GPM6A: variants seen among roughly 807,000 people sequenced by gnomAD.
GPM6A encodes glycoprotein M6A.
Under a neutral mutation model 32.1 loss-of-function variants are expected in GPM6A, and 7 were observed. That is an observed-to-expected ratio of 0.22 (90% confidence interval 0.12 to 0.41). The LOEUF is 0.41. GPM6A is among the 10% of genes least tolerant of loss of function. The probability of loss-of-function intolerance (pLI) is 1.00; values close to 1 mark genes in which losing one functional copy is unlikely to be tolerated. For synonymous variants in GPM6A, 130 were observed against 123.4 expected, an observed-to-expected ratio of 1.05 and a Z score of -0.35; for missense variants, 235 against 347.2, an observed-to-expected ratio of 0.68 and a Z score of 2.57.
At chr4:175,974,483 G>A (rs1161303491) in intron 1 of GPM6A, among the ~76,000 whole-genome samples, 5 of 151,990 alleles carry the variant, frequency 3.3e-5, no homozygotes, top group African/African-American at 9.7e-5. Flanking sequence ...AGCCTCCTGA[G>A]TAGCTGGGAT....
intron 1 of GPM6A, among the ~76,000 whole-genome samples, chr4:175,742,679 A>G (rs1731935744): frequency 6.6e-6 from 1 of 152,196 alleles, no homozygotes; most frequent in South Asian, 2.1e-4. Flanking sequence ...AAACTATTTC[A>G]GGAATTTCAA....
chr4:175,866,988 C>T (rs1012816457), intron 1 of GPM6A, among the ~76,000 whole-genome samples: 6 of 152,194 alleles, frequency 3.9e-5, no homozygotes, highest in African/African-American at 1.4e-4. Context: ...TTTTAATACT[C>T]ATTTCCCTGA....
chr4:175,648,150 T>C (rs1236934704), intron 4 of GPM6A, among the ~76,000 whole-genome samples: 1 of 152,060 alleles, frequency 6.6e-6, no homozygotes, highest in Non-Finnish European at 1.5e-5. Flanking sequence ...AGGTATGAAC[T>C]AATGAGATTG....
intron 4 of GPM6A, among the ~76,000 whole-genome samples, chr4:175,644,447 C>T (rs1387841073): frequency 6.6e-6 from 1 of 151,514 alleles, no homozygotes; most frequent in Admixed American, 6.6e-5. Context: ...TGTATATATA[C>T]ACACACACGC....
At chr4:175,874,062 C>T (rs534036848) in intron 1 of GPM6A, among the ~76,000 whole-genome samples, 25 of 152,092 alleles carry the variant, frequency 1.6e-4, no homozygotes, top group African/African-American at 5.5e-4. Flanking sequence ...ACATGACTAG[C>T]TAGTGTAAAA....
At chr4:175,867,378 T>C (rs941097296) in intron 1 of GPM6A, among the ~76,000 whole-genome samples, 6 of 152,200 alleles carry the variant, frequency 3.9e-5, no homozygotes, top group African/African-American at 9.7e-5. Context: ...AGGATTATTA[T>C]AGCTTTGCAC....
chr4:175,889,947 A>G (rs566267025), intron 1 of GPM6A, among the ~76,000 whole-genome samples: 1 of 152,350 alleles, frequency 6.6e-6, no homozygotes, highest in South Asian at 2.1e-4. Flanking sequence ...ATGTGAAAAC[A>G]CACTACAAAT....
chr4:175,861,492 T>C (rs148991234), intron 1 of GPM6A, among the ~76,000 whole-genome samples: 4 of 150,426 alleles, frequency 2.7e-5, no homozygotes, highest in East Asian at 1.9e-4. Context: ...TGGTTCATGC[T>C]TGTAATCCAA....
At chr4:175,643,154 A>G (rs1741251860) in intron 4 of GPM6A, among the ~76,000 whole-genome samples, 1 of 152,020 alleles carries the variant, frequency 6.6e-6, no homozygotes, top group African/African-American at 2.4e-5. Context: ...AAAATCTCCC[A>G]CTTGGATTAA....
At chr4:175,965,614 C>CTT (rs59648310) in intron 1 of GPM6A, among the ~76,000 whole-genome samples, 33 of 141,186 alleles carry the variant, frequency 2.3e-4, no homozygotes, top group African/African-American at 7.1e-4. Flanking sequence ...CTATTTCTCT[C>CTT]TTTTTTTTTT....
chr4:175,926,868 G>A (rs2111536105), intron 1 of GPM6A, among the ~76,000 whole-genome samples: 1 of 152,188 alleles, frequency 6.6e-6, no homozygotes, highest in East Asian at 1.9e-4. Flanking sequence ...GAGTCAGATC[G>A]TCAAATCAGT....
chr4:175,953,967 GT>G (rs201836620), intron 1 of GPM6A, among the ~76,000 whole-genome samples: 1,953 of 152,308 alleles, frequency 0.013, 40 homozygotes, highest in African/African-American at 0.045. Context: ...TGTTAACCCA[GT>G]TGGTTTAAAA....
intron 1 of GPM6A, among the ~76,000 whole-genome samples, chr4:175,757,587 A>T (rs1186387501): frequency 1.3e-5 from 2 of 152,212 alleles, no homozygotes; most frequent in Non-Finnish European, 2.9e-5. Context: ...ACTAGGTTCA[A>T]AATGAATGTT....
rs1000055827 is a variant in GPM6A, at chr4:175,709,351, CTCTG to C, written c.38-7588_38-7585del. ...TCTCTCTCTCTCTTTCCCTCTCTCT[CTCTG>C]TCTGTCTTTCTTTTCTTCCTTTCTC... On this transcript the variant is annotated intron_variant, in intron 1 of 6. Coordinates refer to ENST00000393658, the MANE Select transcript of GPM6A (RefSeq NM_201591.3). Among the ~76,000 whole-genome samples, 10 of 151,852 alleles carry C rather than the reference CTCTG, an allele frequency of 6.6e-5. No individual in the cohort carries two copies. In the South Asian group the frequency reaches 8.4e-4, roughly 13 times the overall value.
At chr4:175,999,424 T>G (rs960759350) in intron 1 of GPM6A, among the ~76,000 whole-genome samples, 3 of 152,152 alleles carry the variant, frequency 2.0e-5, no homozygotes, top group Non-Finnish European at 4.4e-5. Context: ...AGTGGAGGGA[T>G]AGCCCTGCTG....
chr4:175,980,533 A>G (rs1740790021), intron 1 of GPM6A, among the ~76,000 whole-genome samples: 2 of 152,194 alleles, frequency 1.3e-5, no homozygotes, highest in South Asian at 4.1e-4. Flanking sequence ...ATGCCTACTA[A>G]CTGGAATATT....
chr4:175,776,269 TAA>T (rs1170026622), intron 1 of GPM6A, among the ~76,000 whole-genome samples: 3 of 152,344 alleles, frequency 2.0e-5, no homozygotes, highest in African/African-American at 7.2e-5. Context: ...CCCCCTGTGT[TAA>T]GTCAATTTAT....
chr4:175,774,654 C>A (rs1733322161), intron 1 of GPM6A, among the ~76,000 whole-genome samples: 1 of 151,966 alleles, frequency 6.6e-6, no homozygotes, highest in African/African-American at 2.4e-5. Flanking sequence ...AATGAAGAGT[C>A]TTGTATATAA....
At chr4:175,816,433 C>A (rs889503834), upstream of GPM6A, among the ~76,000 whole-genome samples, 13 of 152,034 alleles carry the variant, frequency 8.6e-5, no homozygotes, top group Non-Finnish European at 1.5e-4. Flanking sequence ...TTATTATATA[C>A]AATAAGTAAA....
Sources: allele counts gnomAD v4.1 joint callset (sites outside exome capture counted in the v4.1 genomes callset), GRCh38; gene constraint gnomAD v4.1.1; transcripts MANE v1.5; gene names NCBI Gene and HGNC (gene_info 2026-07-23, HGNC 2026-07-21).